RAB6B: variants seen among roughly 807,000 people sequenced by gnomAD.
RAB6B encodes the protein ras-related protein Rab-6B.
RAB6B carries 7 observed loss-of-function variants against 31.2 expected under a neutral mutation model. That is an observed-to-expected ratio of 0.22 (90% CI 0.13 to 0.42). RAB6B has a LOEUF of 0.42. Among genes scored for constraint, RAB6B ranks in the 10% least tolerant of loss-of-function variants. RAB6B has a pLI of 1.00. For synonymous variants in RAB6B, 105 were observed against 104.9 expected (o/e 1.00, Z -0.01); for missense variants, 149 against 280.6 (o/e 0.53, Z 3.35).
intron 1 of RAB6B, among the ~76,000 whole-genome samples, chr3:133,892,868 C>G (rs1463957084): frequency 6.6e-6 from 1 of 152,250 alleles, no homozygotes; most frequent in African/African-American, 2.4e-5. Context: ...CAAAACTGTG[C>G]AGGCAAGGTA....
In RAB6B at chr3:133,885,500, C is replaced by T. The variant is rs577404915; in HGVS notation, c.70+9897G>A. ...ATGACCAGAGGATGGGGGACTCACACATCCAATGACCAGAGGATAGGGGAG... is the reference window on the plus strand; with the variant it reads ...ATGACCAGAGGATGGGGGACTCACATATCCAATGACCAGAGGATAGGGGAG... On this transcript the variant is annotated intron_variant, in intron 1 of 7. Transcript: ENST00000285208. The T allele has an allele frequency of 4.1e-4, 290 of 702,440 alleles. 6 individuals are homozygous for T. In the South Asian group the frequency reaches 4.2e-3, roughly 10 times the overall value. 43.5% of individuals were successfully genotyped at this position (702,440 alleles called of 1,614,324 possible).
chr3:133,881,834 G>A (rs940975956), intron 1 of RAB6B, among the ~76,000 whole-genome samples: 49 of 152,176 alleles, frequency 3.2e-4, no homozygotes, highest in Admixed American at 3.2e-3. Flanking sequence ...GTAAAATGAG[G>A]CCATCTCAGG....
intron 2 of RAB6B, among the ~76,000 whole-genome samples, chr3:133,845,918 T>A (rs34067336): frequency 6.6e-6 from 1 of 151,956 alleles, no homozygotes; most frequent in African/African-American, 2.4e-5. Flanking sequence ...AAGAGATTTA[T>A]GAAAATTCTA....
At chr3:133,890,302 A>G (rs1224135223) in intron 1 of RAB6B, among the ~76,000 whole-genome samples, 1 of 152,090 alleles carries the variant, frequency 6.6e-6, no homozygotes, top group Non-Finnish European at 1.5e-5. Flanking sequence ...TGAGTTGCGC[A>G]TGACCAAGGT....
intron 1 of RAB6B, 65 bp from the exon 2 acceptor site, chr3:133,864,707 T>A: frequency 2.1e-6 from 3 of 1,441,234 alleles, no homozygotes; most frequent in Non-Finnish European, 2.9e-6. Context: ...CTAAACACAC[T>A]GCATTTGAAG....
chr3:133,833,125 C>A (rs1336380726), intron 7 of RAB6B, among the ~76,000 whole-genome samples: 4 of 152,184 alleles, frequency 2.6e-5, no homozygotes, highest in Admixed American at 1.3e-4. Flanking sequence ...CTCCCTTGTT[C>A]CTGCTCCTAT....
At chr3:133,836,723 C>T (rs1171691094) in intron 6 of RAB6B, among the ~76,000 whole-genome samples, 1 of 152,082 alleles carries the variant, frequency 6.6e-6, no homozygotes, top group Admixed American at 6.5e-5. Context: ...CCTGCATGCC[C>T]CCAGGGAGCA....
chr3:133,841,212 G>T, intron 4 of RAB6B, 73 bp downstream of exon 4: 1 of 1,404,442 alleles, frequency 7.1e-7, no homozygotes, highest in Non-Finnish European at 1.0e-6. Context: ...ATGCACACAG[G>T]CCTGGCCAGG....
At chr3:133,894,148 T>G (rs893748829) in intron 1 of RAB6B, among the ~76,000 whole-genome samples, 2 of 152,206 alleles carry the variant, frequency 1.3e-5, no homozygotes, top group Non-Finnish European at 2.9e-5. Flanking sequence ...GCTGCCTTTC[T>G]TTTGGGCCCC....
chr3:133,891,313 T>C (rs1936635065), intron 1 of RAB6B, among the ~76,000 whole-genome samples: 1 of 152,188 alleles, frequency 6.6e-6, no homozygotes, highest in Admixed American at 6.5e-5. Flanking sequence ...CTCCACCTCA[T>C]ACACTTTCTA....
chr3:133,842,217 G>A lies in RAB6B; in HGVS notation c.130-554C>T, dbSNP rs562304088. 1.4e-4 allele frequency among the ~76,000 whole-genome samples: 21 copies of A among 152,288 alleles called. No individual in the cohort carries two copies. The South Asian group carries it at 4.4e-3, about 32-fold the overall frequency. The stretch of plus-strand genomic sequence containing the variant: ...ACCCAGAGTGGCCTCTCGCTGGGAG[G>A]CCCCACTGGCTCTTTTCTCCCCAAG... On this transcript the variant is annotated intron_variant, in intron 2 of 7. Transcript: ENST00000285208.
intron 5 of RAB6B, 84 bp from the exon 6 acceptor site, chr3:133,838,343 A>G (rs1935772937): frequency 7.9e-7 from 1 of 1,266,988 alleles, no homozygotes; most frequent in Non-Finnish European, 1.2e-6. Flanking sequence ...CCAGCAGGGC[A>G]GAGGGAGCCC....
rs117132525 is a variant in RAB6B at position 133,841,134 on chromosome 3, C to T, written c.289+151G>A. ...GTTCAAAGGCAACTCACCACTGCTC[C>T]CTGCCTTTCTGCATTCAGGGAGCAA... is the stretch of plus-strand genomic sequence containing the variant. On this transcript the variant is annotated intron_variant, in intron 4 of 7. Coordinates refer to ENST00000285208, the MANE Select transcript of RAB6B (RefSeq NM_016577.4). 273 of 717,690 alleles carry T rather than the reference C, an allele frequency of 3.8e-4. 1 individual carries two copies. In the East Asian group the frequency reaches 7.5e-3, roughly 20 times the overall value. 44.5% of individuals were successfully genotyped at this position (717,690 alleles called of 1,614,324 possible). A position where few individuals can be genotyped will look rare whatever the true frequency, so the allele number is the denominator to read the frequency against.
chr3:133,839,334 T>C (rs1390593326), intron 5 of RAB6B, among the ~76,000 whole-genome samples, 172 bp downstream of exon 5: 2 of 152,196 alleles, frequency 1.3e-5, no homozygotes, highest in African/African-American at 2.4e-5. Flanking sequence ...GAGATACCCA[T>C]GGATGAGAGT....
intron 1 of RAB6B, among the ~76,000 whole-genome samples, chr3:133,883,424 C>A (rs1880667): frequency 0.25 from 38,505 of 152,088 alleles, 5,139 homozygotes; most frequent in South Asian, 0.36. Context: ...TCCAGCCTTT[C>A]ATTAAATTTG....
intron 2 of RAB6B, among the ~76,000 whole-genome samples, chr3:133,850,438 A>C (rs1398780479): frequency 6.6e-6 from 1 of 152,246 alleles, no homozygotes. Context: ...CTATGCTCAA[A>C]TATAAAAATA....
intron 2 of RAB6B, among the ~76,000 whole-genome samples, chr3:133,857,426 GAAA>G (rs71136497): frequency 0.22 from 26,242 of 119,680 alleles, 2,714 homozygotes; most frequent in Middle Eastern, 0.32. Flanking sequence ...TTTTTGAAGG[GAAA>G]AAAAAAAAAA....
intron 2 of RAB6B, among the ~76,000 whole-genome samples, chr3:133,849,616 T>A (rs1246569246): frequency 1.3e-5 from 2 of 152,204 alleles, no homozygotes; most frequent in African/African-American, 4.8e-5. Flanking sequence ...AGAATCAGTT[T>A]CCCTGAATGC....
chr3:133,860,447 A>AGGCCCTCC (rs1407804287), intron 2 of RAB6B, among the ~76,000 whole-genome samples: 2 of 152,194 alleles, frequency 1.3e-5, no homozygotes, highest in African/African-American at 4.8e-5. Flanking sequence ...TCTGAGAACA[A>AGGCCCTCC]GGCCCTCCAT....
Sources: gnomAD v4.1 joint callset for allele counts (sites outside exome capture counted in the v4.1 genomes callset) on GRCh38, gnomAD v4.1.1 for gene constraint, MANE v1.5 for transcripts, NCBI Gene and HGNC (gene_info 2026-07-23, HGNC 2026-07-21) for gene names.